The following DCST2 variants were observed in gnomAD, a reference collection of about 807,000 sequenced individuals.
The protein encoded by DCST2 is DC-STAMP domain-containing protein 2.
In DCST2, 64 loss-of-function variants were observed where a neutral mutation model predicts 81.8. The ratio of observed to expected loss-of-function variants is 0.78; its 90% CI spans 0.64 to 0.96. DCST2 has a LOEUF of 0.96. Among genes scored for constraint, DCST2 ranks in the 40% least tolerant of loss-of-function variants. The probability of loss-of-function intolerance (pLI) is 0.00; values close to 1 mark genes in which losing one functional copy is unlikely to be tolerated. For synonymous variants in DCST2, 354 were observed against 402.6 expected (o/e 0.88, Z 1.44); for missense variants, 945 against 1,001.4 (o/e 0.94, Z 0.76).
intron 12 of DCST2, 73 bp from the exon 13 acceptor site, chr1:155,023,530 C>T (rs1193417073): frequency 1.3e-6 from 2 of 1,549,544 alleles, no homozygotes; most frequent in Non-Finnish European, 8.7e-7. Flanking sequence ...TGGTTGCCAG[C>T]CCCTGCCTCC....
Position 155,033,774 on chromosome 1 carries a change from C to T in DCST2, c.-73G>A, listed in dbSNP as rs1374694933. On this transcript the variant is annotated 5_prime_UTR_variant, in exon 1 of 15. Coordinates refer to ENST00000368424, the MANE Select transcript of DCST2 (RefSeq NM_144622.3). Reference sequence around the variant, plus strand: ...CTTCTGTGCTCCTGGAATTTCTCACCGTATTCTAAGGTTCCAAAGGGCTTT... The same window carrying T: ...CTTCTGTGCTCCTGGAATTTCTCACTGTATTCTAAGGTTCCAAAGGGCTTT... 3.1e-5 allele frequency: 48 copies of T among 1,563,712 alleles called. No homozygotes were observed. The highest frequency in any genetic ancestry group is 3.9e-5 in the Non-Finnish European group (45 of 1,154,904).
intron 12 of DCST2, 182 bp from the exon 13 acceptor site, chr1:155,023,639 G>A: frequency 6.5e-7 from 1 of 1,548,704 alleles, no homozygotes; most frequent in Non-Finnish European, 8.7e-7. Flanking sequence ...AAATACCCGG[G>A]AGAATAAAGG....
chr1:155,019,648 C>T (rs1659689965), intron 14 of DCST2, among the ~76,000 whole-genome samples: 1 of 152,232 alleles, frequency 6.6e-6, no homozygotes. Flanking sequence ...TCCTCTTCCC[C>T]AGTCATCTCA....
At chr1:155,029,545 T>C (rs1195091808) in intron 7 of DCST2, 148 bp from the exon 8 acceptor site, 3 of 783,586 alleles carry the variant, frequency 3.8e-6, no homozygotes, top group Non-Finnish European at 6.0e-6. Context: ...GTGAGGACTC[T>C]GGCAAGGATG....
rs1434881158 is a variant in DCST2 at position 155,018,611 on chromosome 1, G to A, written c.2255C>T (p.Ala752Val). Residue 752 changes from alanine (A) to valine (V), a missense_variant, in exon 15 of 15, where the codon GCT becomes GTT. By Grantham distance (64) the Ala-to-Val change is moderately conservative. Coordinates refer to ENST00000368424, the MANE Select transcript of DCST2 (RefSeq NM_144622.3). ...TGAGAGAGGGACTGAGGGTTCTGAA[G>A]CTGGAGTGGGGGCTCCTTTAGTGGC... ...SSATKGAPTPASEPSVPLSPP... is the reference protein window; with the variant it reads ...SSATKGAPTPVSEPSVPLSPP... The A allele has an allele frequency of 5.6e-6, 9 of 1,613,910 alleles. No homozygotes were observed. The highest frequency in any genetic ancestry group is 1.7e-4 in the Middle Eastern group (1 of 6,058).
At chr1:155,031,094 C>A in intron 5 of DCST2, 75 bp downstream of exon 5, 2 of 1,475,746 alleles carry the variant, frequency 1.4e-6, no homozygotes. Flanking sequence ...GCACTGGGGG[C>A]TGGCCATGGC....
intron 3 of DCST2, 93 bp downstream of exon 3, chr1:155,032,574 C>T (rs976110033): frequency 5.6e-6 from 6 of 1,064,862 alleles, no homozygotes; most frequent in Admixed American, 1.8e-5. Flanking sequence ...ACCTCGGCCT[C>T]GCAAAGTGCT....
At chr1:155,026,958 C>T (rs1227350889) in intron 8 of DCST2, among the ~76,000 whole-genome samples, 2 of 152,166 alleles carry the variant, frequency 1.3e-5, no homozygotes, top group African/African-American at 2.4e-5. Context: ...ATCCAAGCCA[C>T]CATATCTAAG....
chr1:155,024,036 A>C, intron 11 of DCST2, 77 bp from the exon 12 acceptor site: 1 of 1,533,788 alleles, frequency 6.5e-7, no homozygotes, highest in Non-Finnish European at 8.8e-7. Flanking sequence ...CAACCTCCAA[A>C]TGGCAGGGAG....
At chr1:155,029,998 G>A in intron 7 of DCST2, 86 bp downstream of exon 7, 2 of 1,569,330 alleles carry the variant, frequency 1.3e-6, no homozygotes, top group Admixed American at 3.5e-5. Flanking sequence ...AGCCCTGCCT[G>A]TGCAGGGGCT....
chr1:155,032,197 G>A (rs1307699421), intron 3 of DCST2, among the ~76,000 whole-genome samples: 6 of 152,030 alleles, frequency 3.9e-5, no homozygotes, highest in Non-Finnish European at 8.8e-5. Context: ...GTTTCACGAT[G>A]TCAGCCAGGA....
At position 155,023,454 on chromosome 1, in the gene DCST2, A is replaced by C. The variant is rs1431104048; in HGVS notation, c.1874T>G (p.Leu625Arg). Residue 625 changes from leucine to arginine, a missense_variant, in exon 13 of 15, where the codon CTC (leucine) becomes CGC (arginine). By Grantham distance (102) the Leu-to-Arg change is moderately radical (BLOSUM62 -2). Transcript: ENST00000368424. ...GAGGCGGAAGCAAGTGAGGCAGTAG[A>C]GACCTGGTGGAGGCCATGGGGAATG... is the stretch of plus-strand genomic sequence containing the variant. ...VSCSTPGCQG[L>R]YCLTCFRLLD... 6.3e-7 allele frequency: 1 copy of C among 1,591,720 alleles called. No homozygotes were observed. Among genetic ancestry groups the C allele is most frequent in the Admixed American group, 1.8e-5 (1 of 56,270 alleles).
intron 3 of DCST2, among the ~76,000 whole-genome samples, chr1:155,032,068 A>G (rs573180692): frequency 3.9e-5 from 6 of 152,102 alleles, no homozygotes; most frequent in Non-Finnish European, 7.4e-5. Context: ...ATCTCGGCTC[A>G]TTGCAACCTC....
intron 14 of DCST2, among the ~76,000 whole-genome samples, chr1:155,021,702 A>G (rs1466946109): frequency 6.6e-6 from 1 of 151,928 alleles, no homozygotes; most frequent in Non-Finnish European, 1.5e-5. Flanking sequence ...GAACCTGTTT[A>G]TCTTCCTGCC....
chr1:155,026,476 C>G lies in DCST2; in HGVS notation c.1510+72G>C, dbSNP rs544633457. 2.0e-4 allele frequency: 318 copies of G among 1,612,742 alleles called. No individual in the cohort carries two copies. The African/African-American group carries it at 3.9e-3, about 20-fold the overall frequency. ...AGCCCACCCCTGGCGCCCCCCACAT[C>G]CTCAGCAGTCTGCACCCCTCATTTC... On this transcript the variant is annotated intron_variant, in intron 9 of 14. Transcript: ENST00000368424.
chr1:155,032,063 G>A (rs1021981546), intron 3 of DCST2, among the ~76,000 whole-genome samples: 98 of 152,100 alleles, frequency 6.4e-4, no homozygotes, highest in African/African-American at 2.3e-3. Flanking sequence ...GAGTGATCTC[G>A]GCTCATTGCA....
intron 10 of DCST2, among the ~76,000 whole-genome samples, chr1:155,025,957 C>T (rs569399730): frequency 3.4e-4 from 52 of 151,942 alleles, no homozygotes; most frequent in African/African-American, 1.2e-3. Context: ...GTCTGCCTGC[C>T]TCACCCTTCC....
At chr1:155,022,274 T>C (rs11264296) in intron 14 of DCST2, among the ~76,000 whole-genome samples, 69,575 of 151,978 alleles carry the variant, frequency 0.46, 16,923 homozygotes, top group East Asian at 0.9. Context: ...ACTTCCAACC[T>C]CATCTCCCAG....
rs755399004 is a variant in DCST2, at chr1:155,031,767, C to G, written c.546G>C (p.Arg182Ser). Residue 182 changes from arginine to serine, a missense_variant, in exon 4 of 15, where the codon AGG (arginine) becomes AGC (serine). Coordinates refer to ENST00000368424, the MANE Select transcript of DCST2 (RefSeq NM_144622.3). ...SIMDGVKHIARALRNVWQWLL... is the reference protein window; with the variant it reads ...SIMDGVKHIASALRNVWQWLL... The stretch of plus-strand genomic sequence containing the variant: ...GCCACTGCCACACATTCCGGAGAGC[C>G]CTGGCTGGGGACAGCTGCAGGGTTG... 1.2e-6 allele frequency: 2 copies of G among 1,613,638 alleles called. No homozygotes were observed. The highest frequency in any genetic ancestry group is 1.7e-5 in the Admixed American group (1 of 59,990).
Sources: allele counts gnomAD v4.1 joint callset (sites outside exome capture counted in the v4.1 genomes callset), GRCh38; gene constraint gnomAD v4.1.1; transcripts MANE v1.5; gene names NCBI Gene and HGNC (gene_info 2026-07-23, HGNC 2026-07-21).